The following CTNNA2 variants were observed in gnomAD, a reference collection of about 807,000 sequenced individuals.
CTNNA2 encodes the protein catenin alpha 2, also known as catenin alpha-2.
Under a neutral mutation model 101.0 loss-of-function variants are expected in CTNNA2, and 42 were observed. That is an observed-to-expected ratio of 0.42 (90% confidence interval 0.32 to 0.54). The LOEUF (loss-of-function observed/expected upper bound fraction) is 0.54, where lower values mean the gene tolerates loss of function less well. Ranked by LOEUF, CTNNA2 falls within the 20% of genes least tolerant of loss-of-function variation. The pLI is 0.14. For synonymous variants in CTNNA2, 450 were observed against 456.4 expected, an observed-to-expected ratio of 0.99 and a Z score of 0.18; for missense variants, 871 against 1,223.1, an observed-to-expected ratio of 0.71 and a Z score of 4.29.
chr2:79,258,177 G>A (rs1192125063), intron 2 of CTNNA2, among the ~76,000 whole-genome samples: 1 of 152,122 alleles, frequency 6.6e-6, no homozygotes, highest in Non-Finnish European at 1.5e-5. Flanking sequence ...TTTGATGAGG[G>A]GCAGGGGGTG....
intron 1 of CTNNA2, among the ~76,000 whole-genome samples, chr2:79,538,356 T>A (rs10185884): frequency 6.6e-6 from 1 of 151,990 alleles, no homozygotes. Flanking sequence ...ATGATTTTTT[T>A]CTCTAATCCT....
At chr2:80,567,891 T>A (rs190293791) in intron 12 of CTNNA2, among the ~76,000 whole-genome samples, 117 of 152,236 alleles carry the variant, frequency 7.7e-4, no homozygotes, top group African/African-American at 2.7e-3. Context: ...TTTTTTTATT[T>A]TATGTTAACA....
intron 6 of CTNNA2, among the ~76,000 whole-genome samples, chr2:79,882,172 T>G (rs1574217667): frequency 6.6e-6 from 1 of 151,976 alleles, no homozygotes; most frequent in South Asian, 2.1e-4. Context: ...TGCTGAGGAG[T>G]CTGCTGTTAG....
intron 3 of CTNNA2, among the ~76,000 whole-genome samples, chr2:79,776,831 A>G (rs1051541323): frequency 6.6e-6 from 1 of 152,208 alleles, no homozygotes; most frequent in Admixed American, 6.5e-5. Flanking sequence ...AGCCAAACCC[A>G]CATGGAGTTT....
chr2:79,645,675 A>T (rs1680768241), intron 1 of CTNNA2, among the ~76,000 whole-genome samples: 2 of 152,130 alleles, frequency 1.3e-5, no homozygotes, highest in Non-Finnish European at 2.9e-5. Context: ...GAAGTTTAGG[A>T]TGATACTCAT....
chr2:79,363,833 C>A (rs1263128842), intron 3 of CTNNA2, among the ~76,000 whole-genome samples: 1 of 152,204 alleles, frequency 6.6e-6, no homozygotes, highest in Non-Finnish European at 1.5e-5. Flanking sequence ...GTCCAAGAAG[C>A]AGTCCAGGAC....
At chr2:79,214,725 G>A (rs1406290300) in intron 2 of CTNNA2, among the ~76,000 whole-genome samples, 2 of 152,080 alleles carry the variant, frequency 1.3e-5, no homozygotes, top group Non-Finnish European at 2.9e-5. Flanking sequence ...GGGCGGCAGT[G>A]AGATGCGGCT....
intron 4 of CTNNA2, among the ~76,000 whole-genome samples, chr2:79,381,682 C>T (rs1678040699): frequency 6.6e-6 from 1 of 152,146 alleles, no homozygotes; most frequent in Non-Finnish European, 1.5e-5. Flanking sequence ...AGAGGTTTCT[C>T]TTTGTTCAGA....
At chr2:80,633,550 C>A (rs1672515055) in intron 18 of CTNNA2, among the ~76,000 whole-genome samples, 1 of 152,138 alleles carries the variant, frequency 6.6e-6, no homozygotes, top group African/African-American at 2.4e-5. Context: ...ACATAAATGG[C>A]ATCAATAGCC....
At chr2:80,092,629 C>G (rs747899250) in intron 7 of CTNNA2, among the ~76,000 whole-genome samples, 16 of 152,152 alleles carry the variant, frequency 1.1e-4, no homozygotes, top group Non-Finnish European at 2.1e-4. Flanking sequence ...CCATCCCACC[C>G]TGCTAACCTT....
At position 80,303,352 on chromosome 2, in the gene CTNNA2, G is replaced by A; in HGVS notation, c.1057-89859G>A. On this transcript the variant is annotated intron_variant, in intron 7 of 18. Coordinates refer to ENST00000402739, the MANE Select transcript of CTNNA2 (RefSeq NM_001282597.3). The surrounding 1 kb of genome is among the most constrained non-coding windows in gnomAD (Gnocchi z 7.7). ...TGGTGAGCTTCCGCAGCCCGTGGAAGAGGTCGGGCGCGAGCGCCTGCAGCT... is the reference window on the plus strand; with the variant it reads ...TGGTGAGCTTCCGCAGCCCGTGGAAAAGGTCGGGCGCGAGCGCCTGCAGCT... 6.2e-7 allele frequency: 1 copy of A among 1,614,068 alleles called. No individual in the cohort carries two copies. Among genetic ancestry groups the A allele is most frequent in the Non-Finnish European group, 8.5e-7 (1 of 1,180,044 alleles).
intron 7 of CTNNA2, among the ~76,000 whole-genome samples, chr2:79,952,011 G>A (rs1171710048): frequency 6.6e-6 from 1 of 152,142 alleles, no homozygotes; most frequent in African/African-American, 2.4e-5. Flanking sequence ...GCTCACAGCT[G>A]TGCCTTCTCC....
chr2:80,503,773 G>A lies in CTNNA2; in HGVS notation c.1291-41209G>A, dbSNP rs1279941499. On this transcript the variant is annotated intron_variant, in intron 9 of 18. Transcript: ENST00000402739. ...AGTTTGGGTCCAGAGCCTGGAAAGA[G>A]GATCAGGGAAGCTGGAGAAAGAACC... 2.0e-5 allele frequency among the ~76,000 whole-genome samples: 3 copies of A among 152,100 alleles called. No homozygotes were observed. The East Asian group carries it at 5.8e-4, about 29-fold the overall frequency.
chr2:79,572,551 A>C (rs1340715202), intron 1 of CTNNA2, among the ~76,000 whole-genome samples: 1 of 152,170 alleles, frequency 6.6e-6, no homozygotes, highest in Non-Finnish European at 1.5e-5. Context: ...CAGGAGTTTG[A>C]GACCAGCCTG....
intron 18 of CTNNA2, among the ~76,000 whole-genome samples, chr2:80,643,185 G>C (rs1433389675): frequency 6.6e-6 from 1 of 152,132 alleles, no homozygotes; most frequent in African/African-American, 2.4e-5. Flanking sequence ...GAGTGTAGCA[G>C]ATCTTGGTAG....
chr2:80,218,521 C>A (rs552665960), intron 7 of CTNNA2, among the ~76,000 whole-genome samples: 2 of 152,206 alleles, frequency 1.3e-5, no homozygotes, highest in Non-Finnish European at 2.9e-5. Flanking sequence ...TAGTTAAGAG[C>A]AAGGGCTCTG....
intron 3 of CTNNA2, among the ~76,000 whole-genome samples, chr2:79,341,022 C>G (rs557563601): frequency 6.6e-6 from 1 of 151,016 alleles, no homozygotes; most frequent in South Asian, 2.1e-4. Flanking sequence ...ATGTTAAACG[C>G]TACATATATA....
chr2:79,994,248 A>G (rs547918871), intron 7 of CTNNA2, among the ~76,000 whole-genome samples: 1 of 152,188 alleles, frequency 6.6e-6, no homozygotes, highest in Non-Finnish European at 1.5e-5. Flanking sequence ...AAAGCACCTC[A>G]TGTTCCTTAA....
chr2:80,507,955 G>A lies in CTNNA2; in HGVS notation c.1291-37027G>A, dbSNP rs114049637. Among the ~76,000 whole-genome samples the A allele has an allele frequency of 2.3e-3, 357 of 152,262 alleles. 1 individual carries two copies. The highest frequency in any genetic ancestry group is 6.8e-3 in the Middle Eastern group (2 of 294). ...TAAGCACTGTGATTGCTCAGATTTG[G>A]CAAGACAGGCACTTCACTGCATCCT... On this transcript the variant is annotated intron_variant, in intron 9 of 18. Transcript: ENST00000402739.
Sources: allele counts gnomAD v4.1 joint callset (sites outside exome capture counted in the v4.1 genomes callset), GRCh38; gene constraint gnomAD v4.1.1; non-coding constraint Gnocchi (gnomAD v3.1); transcripts MANE v1.5; gene names NCBI Gene and HGNC (gene_info 2026-07-23, HGNC 2026-07-21).